Variants in LRBA observed in about 807,000 individuals in gnomAD.
The protein encoded by LRBA is LPS responsive beige-like anchor protein, also known as lipopolysaccharide-responsive and beige-like anchor protein.
A neutral mutation model predicts 330.0 loss-of-function variants in LRBA; 176 were observed. The observed-to-expected ratio is 0.53, with a 90% confidence interval of 0.47 to 0.60. The LOEUF is 0.60. LRBA is among the 20% of genes least tolerant of loss of function. LRBA has a pLI of 0.00. For synonymous variants in LRBA, 1,230 were observed against 1,193.0 expected (o/e 1.03, Z -0.64); for missense variants, 3,259 against 3,444.8 (o/e 0.95, Z 1.35).
chr4:150,632,382 C>A (rs1014636558), intron 37 of LRBA, among the ~76,000 whole-genome samples: 1 of 152,140 alleles, frequency 6.6e-6, no homozygotes, highest in African/African-American at 2.4e-5. Context: ...TCCAAGGACA[C>A]AATGCTCATC....
At chr4:150,777,972 CAAAAAAAAAAAA>C (rs57988391) in intron 34 of LRBA, among the ~76,000 whole-genome samples, 10 of 65,650 alleles carry the variant, frequency 1.5e-4, no homozygotes, top group Admixed American at 9.3e-4. Context: ...GACTCTGTTT[CAAAAAAAAAAAA>C]AAAAAAAAAA....
chr4:150,688,034 A>T (rs1312724143), intron 36 of LRBA, among the ~76,000 whole-genome samples: 1 of 152,136 alleles, frequency 6.6e-6, no homozygotes, highest in Non-Finnish European at 1.5e-5. Flanking sequence ...GAGGCATCAC[A>T]CTACCTGACT....
chr4:150,679,215 T>A (rs1490837117), intron 37 of LRBA, among the ~76,000 whole-genome samples: 1 of 152,164 alleles, frequency 6.6e-6, no homozygotes, highest in Non-Finnish European at 1.5e-5. Context: ...ACGGGTCAAG[T>A]ACATTAGCTA....
intron 40 of LRBA, chr4:150,579,945 G>A (rs905944248): frequency 6.1e-6 from 2 of 326,432 alleles, no homozygotes; most frequent in Admixed American, 8.4e-5. Context: ...CCCAGTAACT[G>A]CCCCCGGAGA....
chr4:150,533,559 G>C (rs981549681), intron 40 of LRBA, among the ~76,000 whole-genome samples: 1 of 152,048 alleles, frequency 6.6e-6, no homozygotes, highest in Non-Finnish European at 1.5e-5. Flanking sequence ...AAGGGCATGT[G>C]TGTCAGCTAT....
In LRBA at chr4:150,490,853, T is replaced by C. The variant is rs945485331; in HGVS notation, c.6448+65A>G. 1.6e-5 allele frequency: 15 copies of C among 910,952 alleles called. No individual in the cohort carries two copies. In the African/African-American group the frequency reaches 2.0e-4, roughly 12 times the overall value. The allele number at this position is 910,952 out of a possible 1,614,324, so 56.4% of individuals were successfully genotyped here. The stretch of plus-strand genomic sequence containing the variant: ...TCTAAATTGAAGCAATATGGTATGT[T>C]CAAAAATGAAATCTTAAAGAGATGG... On this transcript the variant is annotated intron_variant, in intron 41 of 56. Transcript: ENST00000651943.
intron 44 of LRBA, among the ~76,000 whole-genome samples, chr4:150,451,332 A>G (rs1753316139): frequency 6.6e-6 from 1 of 151,724 alleles, no homozygotes; most frequent in Non-Finnish European, 1.5e-5. Flanking sequence ...AGTAACTGAA[A>G]AGAACTGAAA....
At chr4:150,840,999 G>C in intron 28 of LRBA, 1 of 1,255,022 alleles carries the variant, frequency 8.0e-7, no homozygotes, top group Non-Finnish European at 1.0e-6. Flanking sequence ...TTTGTGATCC[G>C]TGATCTGACA....
chr4:150,425,902 C>T (rs980773493), intron 46 of LRBA, among the ~76,000 whole-genome samples: 12 of 151,866 alleles, frequency 7.9e-5, no homozygotes, highest in African/African-American at 2.4e-4. Context: ...CTTAGGGACA[C>T]TGATGGTAAA....
chr4:150,346,757 CAAAAAAAAAAAAAAAAAA>C (rs57119340), intron 48 of LRBA, among the ~76,000 whole-genome samples: 5 of 66,136 alleles, frequency 7.6e-5, no homozygotes, highest in African/African-American at 1.6e-4. Context: ...GACTCTGTCT[CAAAAAAAAAAAAAAAAAA>C]AAAAAAAAAA....
chr4:150,350,043 G>T lies in LRBA; in HGVS notation c.7311C>A (p.Thr2437=), dbSNP rs1181844767. ...AATTCAGATTGACAGCTCCTTCATA[G>T]GTCAAGTAATAGAACACATTGAGGG... ...VRALNVFYYL[T]YEGAVNLNSI... Residue 2437 remains threonine, a synonymous_variant, in exon 48 of 57, where the codon ACC becomes ACA. Coordinates refer to ENST00000651943, the MANE Select transcript of LRBA (RefSeq NM_001364905.1). 1 of 1,613,742 alleles carries T rather than the reference G, an allele frequency of 6.2e-7. No homozygotes were observed. Among genetic ancestry groups the T allele is most frequent in the African/African-American group, 1.3e-5 (1 of 74,978 alleles).
intron 37 of LRBA, among the ~76,000 whole-genome samples, chr4:150,609,394 A>G (rs1247791089): frequency 6.6e-6 from 1 of 152,180 alleles, no homozygotes; most frequent in Non-Finnish European, 1.5e-5. Context: ...GTCATAAGGC[A>G]TCCATGAGAG....
At chr4:150,909,346 G>A (rs1731711054) in intron 9 of LRBA, among the ~76,000 whole-genome samples, 1 of 152,154 alleles carries the variant, frequency 6.6e-6, no homozygotes, top group African/African-American at 2.4e-5. Context: ...TGGACTCTTA[G>A]ATACCTCGTA....
chr4:151,014,236 T>C (rs1373690394), intron 2 of LRBA, 191 bp downstream of exon 2: 2 of 545,244 alleles, frequency 3.7e-6, no homozygotes, highest in South Asian at 2.9e-5. Context: ...ACCTGGATCA[T>C]CTAAGTTTGC....
In LRBA at chr4:150,769,766, A is replaced by G. The variant is rs78945134; in HGVS notation, c.5581-7919T>C. ...AGCCTGTGACCCAAATGACACACAA[A>G]TTAACCATCACAAGTCCACCCCTTG... On this transcript the variant is annotated intron_variant, in intron 34 of 56. Coordinates refer to ENST00000651943, the MANE Select transcript of LRBA (RefSeq NM_001364905.1). Among the ~76,000 whole-genome samples the G allele has an allele frequency of 6.6e-3, 1,005 of 152,328 alleles. 6 individuals are homozygous for G. Among genetic ancestry groups the G allele is most frequent in the Non-Finnish European group, 0.01 (702 of 68,032 alleles).
At chr4:150,602,654 T>A (rs1774238244) in intron 37 of LRBA, among the ~76,000 whole-genome samples, 1 of 152,106 alleles carries the variant, frequency 6.6e-6, no homozygotes, top group South Asian at 2.1e-4. Flanking sequence ...GGTCTTCAAC[T>A]TACTTTCTTC....
chr4:150,559,645 ATATAATATATAAT>A (rs1191809862), intron 40 of LRBA, among the ~76,000 whole-genome samples: 9 of 53,178 alleles, frequency 1.7e-4, no homozygotes, highest in East Asian at 5.7e-4. Flanking sequence ...TATTTATATA[ATATAATATATAAT>A]TATAATATAT....
intron 37 of LRBA, among the ~76,000 whole-genome samples, chr4:150,621,573 C>A (rs544116745): frequency 3.8e-4 from 58 of 152,250 alleles, no homozygotes; most frequent in African/African-American, 1.4e-3. Flanking sequence ...GTCTCCTTTT[C>A]AATAAAATAA....
chr4:150,605,035 T>G (rs1401842695), intron 37 of LRBA, among the ~76,000 whole-genome samples: 2 of 152,150 alleles, frequency 1.3e-5, no homozygotes, highest in African/African-American at 4.8e-5. Flanking sequence ...ATTAAGTACA[T>G]AAGAGAAATA....
Sources: allele counts gnomAD v4.1 joint callset (sites outside exome capture counted in the v4.1 genomes callset), GRCh38; gene constraint gnomAD v4.1.1; transcripts MANE v1.5; gene names NCBI Gene and HGNC (gene_info 2026-07-23, HGNC 2026-07-21).